The following GALNT17 variants were observed in gnomAD, a reference collection of about 807,000 sequenced individuals.
The protein encoded by GALNT17 is polypeptide N-acetylgalactosaminyltransferase 17.
Under a neutral mutation model 63.7 loss-of-function variants are expected in GALNT17, and 29 were observed. The ratio of observed to expected loss-of-function variants is 0.46; its 90% CI spans 0.34 to 0.62. GALNT17 has a LOEUF of 0.62. GALNT17 is among the 20% of genes least tolerant of loss of function. The probability of loss-of-function intolerance (pLI) is 0.01; values close to 1 mark genes in which losing one functional copy is unlikely to be tolerated. For missense variants in GALNT17, 603 were observed against 799.6 expected (o/e 0.75, Z 2.97); for synonymous variants, 305 against 318.3 (o/e 0.96, Z 0.45).
chr7:71,701,777 G>C (rs1240664321), intron 9 of GALNT17, among the ~76,000 whole-genome samples: 2 of 102,484 alleles, frequency 2.0e-5, no homozygotes, highest in Non-Finnish European at 3.7e-5. Context: ...ATATATATGT[G>C]TGTGTGTATA....
intron 6 of GALNT17, among the ~76,000 whole-genome samples, chr7:71,623,066 T>A (rs1406662548): frequency 6.6e-6 from 1 of 152,156 alleles, no homozygotes; most frequent in Non-Finnish European, 1.5e-5. Context: ...ATCTCCTGGG[T>A]CTGAACCTTA....
chr7:71,710,679 C>CGA, intron 9 of GALNT17, 82 bp from the exon 10 acceptor site: 1 of 1,510,974 alleles, frequency 6.6e-7, no homozygotes, highest in Admixed American at 1.7e-5. Context: ...GGAGTAAAGC[C>CGA]GAGAGACCTG....
chr7:71,237,511 GAAAAAAAAAAAAAA>G lies in GALNT17; in HGVS notation c.239-98031_239-98018del, dbSNP rs369921098. ...GCCAACATAGTAAGATCCCATCTCTGAAAAAAAAAAAAAAAAAAAAAGAAAAAACAGGGCATAAT... is the reference window on the plus strand; with the variant it reads ...GCCAACATAGTAAGATCCCATCTCTGAAAAAAAGAAAAAACAGGGCATAAT... On this transcript the variant is annotated intron_variant, in intron 1 of 10. Transcript: ENST00000333538. Among the ~76,000 whole-genome samples the G allele has an allele frequency of 6.2e-3, 486 of 78,134 alleles. 4 individuals carry two copies. Among genetic ancestry groups the G allele is most frequent in the African/African-American group, 0.02 (466 of 23,674 alleles). The allele number at this position is 78,134 out of a possible 152,430, so 51.3% of individuals were successfully genotyped here.
chr7:71,154,794 T>C lies in GALNT17; in HGVS notation c.238+21754T>C, dbSNP rs572797426. On this transcript the variant is annotated intron_variant, in intron 1 of 10. Transcript: ENST00000333538. ...GGTTTCACTGTCTTAGCCAGGATGGTCTCAATCTCCTGACCTCATGATCCA... is the reference window on the plus strand; with the variant it reads ...GGTTTCACTGTCTTAGCCAGGATGGCCTCAATCTCCTGACCTCATGATCCA... 5.3e-5 allele frequency among the ~76,000 whole-genome samples: 8 copies of C among 151,320 alleles called. No individual in the cohort carries two copies. The East Asian group carries it at 1.6e-3, about 29-fold the overall frequency.
At chr7:71,238,227 C>T (rs1367156661) in intron 1 of GALNT17, among the ~76,000 whole-genome samples, 1 of 152,176 alleles carries the variant, frequency 6.6e-6, no homozygotes, top group Non-Finnish European at 1.5e-5. Context: ...GAGCCAAGAG[C>T]AGTTACTTTC....
chr7:71,345,727 T>C (rs994828135), intron 2 of GALNT17, among the ~76,000 whole-genome samples: 5 of 152,140 alleles, frequency 3.3e-5, no homozygotes, highest in African/African-American at 1.2e-4. Context: ...GCAAATCTAC[T>C]CATGGCTCAA....
chr7:71,437,718 T>C (rs1032780054), intron 5 of GALNT17, among the ~76,000 whole-genome samples: 1 of 152,188 alleles, frequency 6.6e-6, no homozygotes, highest in East Asian at 1.9e-4. Flanking sequence ...TTTGTTTGTT[T>C]GTTTTAAATT....
At chr7:71,652,831 T>C (rs1010966200) in intron 6 of GALNT17, among the ~76,000 whole-genome samples, 1 of 152,100 alleles carries the variant, frequency 6.6e-6, no homozygotes, top group Non-Finnish European at 1.5e-5. Context: ...CTCTCTATGT[T>C]ACAGAACCCG....
chr7:71,386,950 C>G (rs540995899), intron 2 of GALNT17, among the ~76,000 whole-genome samples: 1 of 152,044 alleles, frequency 6.6e-6, no homozygotes, highest in African/African-American at 2.4e-5. Context: ...CAGTAGATGC[C>G]TTCATTTGGG....
chr7:71,440,604 C>T (rs190069186), intron 5 of GALNT17, among the ~76,000 whole-genome samples: 12 of 152,236 alleles, frequency 7.9e-5, no homozygotes, highest in Admixed American at 4.6e-4. Flanking sequence ...GAACTCCCGA[C>T]CTCAGGTAAT....
chr7:71,637,947 C>T (rs1965547), intron 6 of GALNT17, among the ~76,000 whole-genome samples: 65,313 of 152,092 alleles, frequency 0.43, 16,287 homozygotes, highest in East Asian at 0.73. Flanking sequence ...ACTCCATAGG[C>T]AGAGCAGTCC....
intron 5 of GALNT17, among the ~76,000 whole-genome samples, chr7:71,435,578 A>G (rs541326639): frequency 6.6e-6 from 1 of 152,260 alleles, no homozygotes; most frequent in South Asian, 2.1e-4. Flanking sequence ...ACCCAGATCT[A>G]TAAACTAGTT....
At chr7:71,367,629 G>A (rs1544443) in intron 2 of GALNT17, among the ~76,000 whole-genome samples, 54,163 of 151,872 alleles carry the variant, frequency 0.36, 10,687 homozygotes, top group Non-Finnish European at 0.45. Context: ...CTAGTGAGTT[G>A]CCAATTTCTT....
chr7:71,148,860 T>TTATA (rs59163644), intron 1 of GALNT17, among the ~76,000 whole-genome samples: 5,348 of 102,790 alleles, frequency 0.052, 175 homozygotes, highest in East Asian at 0.093. Flanking sequence ...TATGGTATTT[T>TTATA]TATATATATA....
chr7:71,138,325 G>GA (rs55792123), intron 1 of GALNT17, among the ~76,000 whole-genome samples: 97,877 of 151,140 alleles, frequency 0.65, 31,828 homozygotes, highest in Non-Finnish European at 0.69. Flanking sequence ...TGGCTCAAAA[G>GA]AAAAAAAAAT....
rs912656672 is a variant in GALNT17, at chr7:71,308,252, A to G, written c.239-27298A>G. Among the ~76,000 whole-genome samples the G allele has an allele frequency of 2.6e-5, 4 of 152,190 alleles. No homozygotes were observed. The South Asian group carries it at 8.4e-4, about 32-fold the overall frequency. On this transcript the variant is annotated intron_variant, in intron 1 of 10. Coordinates refer to ENST00000333538, the MANE Select transcript of GALNT17 (RefSeq NM_022479.3). ...GAGGAAGAAAGAAGCATTGGATTGC[A>G]GCTCGGTGGGAGCAGATCCTGGCTG...
rs370303210 is a variant in GALNT17 at position 71,248,186 on chromosome 7, C to CAGAG, written c.239-87353_239-87350dup. 2.0e-5 allele frequency among the ~76,000 whole-genome samples: 3 copies of CAGAG among 151,592 alleles called. No individual in the cohort carries two copies. In the East Asian group the frequency reaches 5.8e-4, roughly 29 times the overall value. On this transcript the variant is annotated intron_variant, in intron 1 of 10. Transcript: ENST00000333538. ...CTTCTTCACAAGGTGGCAGAAAAGACAGAGAGAGAGAGAGCACAGGAAACT... is the reference window on the plus strand; with the variant it reads ...CTTCTTCACAAGGTGGCAGAAAAGACAGAGAGAGAGAGAGAGAGCACAGGAAACT...
intron 9 of GALNT17, among the ~76,000 whole-genome samples, chr7:71,679,585 A>G (rs1258524801): frequency 2.0e-5 from 3 of 152,080 alleles, no homozygotes; most frequent in Non-Finnish European, 4.4e-5. Context: ...CAGTAGAATA[A>G]GCGTAACCCA....
At chr7:71,335,401 G>A in intron 1 of GALNT17, 149 bp from the exon 2 acceptor site, 1 of 732,036 alleles carries the variant, frequency 1.4e-6, no homozygotes, top group Non-Finnish European at 2.0e-6. Flanking sequence ...AATGTTTTCA[G>A]GGCCTATACC....
Sources: gnomAD v4.1 joint callset for allele counts (sites outside exome capture counted in the v4.1 genomes callset) on GRCh38, gnomAD v4.1.1 for gene constraint, MANE v1.5 for transcripts, NCBI Gene and HGNC (gene_info 2026-07-23, HGNC 2026-07-21) for gene names.